MAGI3: variants seen among roughly 807,000 people sequenced by gnomAD.
The protein encoded by MAGI3 is membrane-associated guanylate kinase, WW and PDZ domain-containing protein 3.
A neutral mutation model predicts 121.8 loss-of-function variants in MAGI3; 43 were observed. That is an observed-to-expected ratio of 0.35 (90% CI 0.28 to 0.46). MAGI3 has a LOEUF of 0.46. MAGI3 is among the 20% of genes least tolerant of loss of function. The probability of loss-of-function intolerance (pLI) is 1.00; values close to 1 mark genes in which losing one functional copy is unlikely to be tolerated. For synonymous variants in MAGI3, 553 were observed against 639.3 expected (o/e 0.86, Z 2.04); for missense variants, 1,547 against 1,797.3 (o/e 0.86, Z 2.52).
chr1:113,645,528 A>G (rs1374297571), intron 11 of MAGI3, among the ~76,000 whole-genome samples: 2 of 152,128 alleles, frequency 1.3e-5, no homozygotes, highest in Non-Finnish European at 2.9e-5. Context: ...AATTGATGGA[A>G]GGGTCTGATG....
intron 1 of MAGI3, among the ~76,000 whole-genome samples, chr1:113,437,840 TTCTTCTTCTTCTTCTTCTTCTTCC>T (rs1276327280): frequency 0.044 from 2,781 of 62,952 alleles, 133 homozygotes; most frequent in South Asian, 0.059. Context: ...CTTCTTCTTC[TTCTTCTTCTTCTTCTTCTTCTTCC>T]TCTTCTTCTT....
At chr1:113,440,267 A>T (rs1440132130) in intron 1 of MAGI3, among the ~76,000 whole-genome samples, 2 of 152,196 alleles carry the variant, frequency 1.3e-5, no homozygotes, top group Non-Finnish European at 2.9e-5. Flanking sequence ...TGATCTTATC[A>T]TAGCTACAAG....
chr1:113,458,261 T>A (rs139340337), intron 1 of MAGI3, among the ~76,000 whole-genome samples: 1 of 152,070 alleles, frequency 6.6e-6, no homozygotes, highest in African/African-American at 2.4e-5. Context: ...CAAGTAGAAT[T>A]TGACTGATGG....
intron 1 of MAGI3, among the ~76,000 whole-genome samples, chr1:113,545,040 T>C (rs1275292531): frequency 6.6e-6 from 1 of 151,904 alleles, no homozygotes; most frequent in African/African-American, 2.4e-5. Context: ...GTCACTTTTT[T>C]TTTTTTAACA....
At chr1:113,655,056 C>T (rs183639892) in intron 15 of MAGI3, among the ~76,000 whole-genome samples, 1 of 152,296 alleles carries the variant, frequency 6.6e-6, no homozygotes, top group African/African-American at 2.4e-5. Flanking sequence ...CTCACTGATG[C>T]TAGTTTCCAT....
chr1:113,506,200 G>A (rs775675017), intron 1 of MAGI3, among the ~76,000 whole-genome samples: 38 of 152,150 alleles, frequency 2.5e-4, no homozygotes, highest in Non-Finnish European at 4.9e-4. Flanking sequence ...AAGATCATGA[G>A]AGAATAGACT....
intron 15 of MAGI3, among the ~76,000 whole-genome samples, chr1:113,654,366 T>C (rs1653356256): frequency 6.6e-6 from 1 of 152,140 alleles, no homozygotes; most frequent in Admixed American, 6.6e-5. Flanking sequence ...TTAGGATAAA[T>C]CGTGTATGTA....
Position 113,422,756 on chromosome 1 carries a change from C to T in MAGI3, c.316+31407C>T, listed in dbSNP as rs1056059688. ...CAGAACCCTATTGCCCTCAGTGTGG[C>T]GAGTGGGGGAGGCATGTTTCGGGGG... On this transcript the variant is annotated intron_variant, in intron 1 of 20. Coordinates refer to ENST00000307546, the MANE Select transcript of MAGI3 (RefSeq NM_001142782.2). This position sits in a 1 kb window ranked among gnomAD's most constrained non-coding sequence, Gnocchi z 4.3. 9.2e-5 allele frequency among the ~76,000 whole-genome samples: 14 copies of T among 152,088 alleles called. No homozygotes were observed. The highest frequency in any genetic ancestry group is 1.9e-4 in the African/African-American group (8 of 41,402).
At chr1:113,623,485 C>CACACACAT (rs1557858419) in intron 9 of MAGI3, among the ~76,000 whole-genome samples, 1 of 9,064 alleles carries the variant, frequency 1.1e-4, no homozygotes, top group Non-Finnish European at 2.7e-4. Flanking sequence ...CACACACACA[C>CACACACAT]ACATATATAT....
At chr1:113,661,251 C>T (rs1258456497) in intron 16 of MAGI3, among the ~76,000 whole-genome samples, 1 of 152,182 alleles carries the variant, frequency 6.6e-6, no homozygotes, top group Admixed American at 6.5e-5. Context: ...CTGGCTCCCT[C>T]ATTCAGGTCT....
chr1:113,493,627 C>T (rs529735931), intron 1 of MAGI3, among the ~76,000 whole-genome samples: 3 of 152,100 alleles, frequency 2.0e-5, no homozygotes, highest in African/African-American at 7.2e-5. Flanking sequence ...GCAAATGATA[C>T]ATCTGTCAAA....
At position 113,594,342 on chromosome 1, in the gene MAGI3, G is replaced by A. The variant is rs998471185; in HGVS notation, c.939-139G>A. ...ACTGAGAACAATAGGGTTAATGAAT[G>A]AATCTGAGGAATACAAATGGAGCCT... On this transcript the variant is annotated intron_variant, in intron 5 of 20. Coordinates refer to ENST00000307546, the MANE Select transcript of MAGI3 (RefSeq NM_001142782.2). 2.7e-5 allele frequency: 17 copies of A among 630,278 alleles called. No individual in the cohort carries two copies. In the African/African-American group the frequency reaches 2.8e-4, roughly 10 times the overall value. 39.0% of individuals were successfully genotyped at this position (630,278 alleles called of 1,614,324 possible). A position where few individuals can be genotyped will look rare whatever the true frequency, so the allele number is the denominator to read the frequency against.
chr1:113,669,341 G>A (rs1306322940), intron 16 of MAGI3, among the ~76,000 whole-genome samples: 2 of 152,190 alleles, frequency 1.3e-5, no homozygotes, highest in African/African-American at 2.4e-5. Flanking sequence ...AGTCTAGTAG[G>A]AGAGACAGGT....
At chr1:113,421,906 A>C (rs111233232) in intron 1 of MAGI3, among the ~76,000 whole-genome samples, 22 of 149,274 alleles carry the variant, frequency 1.5e-4, no homozygotes, top group African/African-American at 4.9e-4. Context: ...GGCTTTGCTT[A>C]CTGATTGTCT....
intron 1 of MAGI3, among the ~76,000 whole-genome samples, chr1:113,496,588 T>TTA (rs1278405036): frequency 8.5e-5 from 13 of 152,360 alleles, no homozygotes; most frequent in Admixed American, 3.9e-4. Flanking sequence ...CTTGTTTGTT[T>TTA]ATCTGTTTAT....
intron 3 of MAGI3, among the ~76,000 whole-genome samples, chr1:113,584,130 TC>T (rs1161970349): frequency 6.6e-6 from 1 of 152,158 alleles, no homozygotes; most frequent in Non-Finnish European, 1.5e-5. Context: ...CTTAATTACT[TC>T]CTTAGGAGCT....
intron 9 of MAGI3, among the ~76,000 whole-genome samples, chr1:113,628,859 C>T (rs975218575): frequency 6.6e-6 from 1 of 151,964 alleles, no homozygotes; most frequent in Non-Finnish European, 1.5e-5. Flanking sequence ...TATCTTTGAC[C>T]TTTGGGAGTT....
chr1:113,527,903 A>G (rs2101635747), intron 1 of MAGI3, among the ~76,000 whole-genome samples: 1 of 152,340 alleles, frequency 6.6e-6, no homozygotes, highest in East Asian at 1.9e-4. Flanking sequence ...ACAGAAAATT[A>G]GAAAGAACAG....
At chr1:113,677,381 G>A (rs1391926242) in intron 19 of MAGI3, among the ~76,000 whole-genome samples, 2 of 152,196 alleles carry the variant, frequency 1.3e-5, no homozygotes, top group Non-Finnish European at 2.9e-5. Context: ...TTAAAACTGA[G>A]GCTCAAGGAG....
Sources: gnomAD v4.1 joint callset for allele counts (sites outside exome capture counted in the v4.1 genomes callset) on GRCh38, gnomAD v4.1.1 for gene constraint, Gnocchi (gnomAD v3.1) non-coding constraint, MANE v1.5 for transcripts, NCBI Gene and HGNC (gene_info 2026-07-23, HGNC 2026-07-21) for gene names.